LAMA4: variants seen among roughly 807,000 people sequenced by gnomAD.
LAMA4 encodes the protein laminin subunit alpha 4, also known as laminin subunit alpha-4.
LAMA4 carries 127 observed loss-of-function variants against 207.1 expected under a neutral mutation model. That is an observed-to-expected ratio of 0.61 (90% CI 0.53 to 0.71). LAMA4 has a LOEUF of 0.71. Ranked by LOEUF, LAMA4 falls within the 30% of genes least tolerant of loss-of-function variation. The pLI is 0.00. For synonymous variants in LAMA4, 761 were observed against 816.0 expected, an observed-to-expected ratio of 0.93 and a Z score of 1.15; for missense variants, 2,093 against 2,246.5, an observed-to-expected ratio of 0.93 and a Z score of 1.38.
chr6:112,130,202 G>A (rs544211928), intron 29 of LAMA4, 162 bp from the exon 30 acceptor site: 1 of 636,230 alleles, frequency 1.6e-6, no homozygotes. Flanking sequence ...GGATAAAATG[G>A]TTGGATATTT....
intron 2 of LAMA4, among the ~76,000 whole-genome samples, chr6:112,247,586 T>C (rs782262454): frequency 1.3e-5 from 2 of 152,294 alleles, no homozygotes; most frequent in African/African-American, 2.4e-5. Flanking sequence ...GAAGAGGGAT[T>C]CTTCCATTTC....
intron 2 of LAMA4, among the ~76,000 whole-genome samples, chr6:112,245,615 T>G (rs191885452): frequency 7.2e-5 from 11 of 152,314 alleles, no homozygotes; most frequent in African/African-American, 2.2e-4. Context: ...GTCTTCATCA[T>G]GCTCAGGGGC....
Position 112,109,157 on chromosome 6 carries a change from GA to G in LAMA4, c.*279del. On this transcript the variant is annotated 3_prime_UTR_variant, in exon 39 of 39. Coordinates refer to ENST00000230538, the MANE Select transcript of LAMA4 (RefSeq NM_001105206.3). ...ATTTGGAATCCCTTCTATTTTATTAGAAACAGAAACAGTAATTTCACCAGTA... is the reference window on the plus strand; with the variant it reads ...ATTTGGAATCCCTTCTATTTTATTAGAACAGAAACAGTAATTTCACCAGTA... 1 of 439,234 alleles carries G rather than the reference GA, an allele frequency of 2.3e-6. No homozygotes were observed. The highest frequency in any genetic ancestry group is 4.6e-5 in the East Asian group (1 of 21,902). The allele number at this position is 439,234 out of a possible 1,614,324, so 27.2% of individuals were successfully genotyped here.
chr6:112,204,552 G>C (rs1783945006), intron 4 of LAMA4, among the ~76,000 whole-genome samples: 1 of 151,788 alleles, frequency 6.6e-6, no homozygotes, highest in South Asian at 2.1e-4. Context: ...ACATGTTTAT[G>C]AGAGAATGAG....
At chr6:112,124,761 T>A (rs1554327068) in intron 31 of LAMA4, among the ~76,000 whole-genome samples, 2 of 130,340 alleles carry the variant, frequency 1.5e-5, no homozygotes, top group African/African-American at 8.1e-5. Flanking sequence ...AGGGGTATCT[T>A]TTTTTTTTTT....
chr6:112,239,743 G>T (rs1186694104), intron 2 of LAMA4, among the ~76,000 whole-genome samples: 1 of 152,122 alleles, frequency 6.6e-6, no homozygotes, highest in East Asian at 1.9e-4. Context: ...AGTGCTTAAA[G>T]GAGTTAGCAG....
intron 9 of LAMA4, chr6:112,178,447 G>A: frequency 1.8e-6 from 1 of 547,158 alleles, no homozygotes; most frequent in Non-Finnish European, 3.2e-6. Context: ...TTTTCCGTAA[G>A]TTATTGGGGT....
At chr6:112,222,132 G>A (rs1253282431) in intron 2 of LAMA4, among the ~76,000 whole-genome samples, 5 of 152,142 alleles carry the variant, frequency 3.3e-5, no homozygotes, top group African/African-American at 1.2e-4. Flanking sequence ...CAAGAAGTTG[G>A]CTTCTTGATT....
At position 112,148,165 on chromosome 6, in the gene LAMA4, C is replaced by A. The variant is rs1562661876; in HGVS notation, c.2345G>T (p.Arg782Met). 1 of 1,613,682 alleles carries A rather than the reference C, an allele frequency of 6.2e-7. No homozygotes were observed. Among genetic ancestry groups the A allele is most frequent in the South Asian group, 1.1e-5 (1 of 91,070 alleles). ...SAYNTAVNSA[R>M]DAVRNLTEVV... is the part of the protein sequence containing the mutation. ...AAATTTCTAAGTGATACCTGCATCC[C>A]TAGCAGAGTTCACTGCAGTGTTGTA... The change falls in exon 18 of 39, where the codon AGG becomes ATG. Residue 782 changes from arginine (R) to methionine (M), a missense_variant. Around this residue, in one of 3 missense-constraint regions of LAMA4, gnomAD observed 1,704 missense variants for 1,788.4 expected, o/e 0.95. Transcript: ENST00000230538.
chr6:112,149,734 C>T (rs1780262614), intron 17 of LAMA4, among the ~76,000 whole-genome samples: 1 of 152,106 alleles, frequency 6.6e-6, no homozygotes, highest in African/African-American at 2.4e-5. Context: ...AGGACAATGC[C>T]CAGCTCACAC....
intron 9 of LAMA4, among the ~76,000 whole-genome samples, chr6:112,184,009 A>G (rs1181566431): frequency 6.6e-6 from 1 of 151,706 alleles, no homozygotes; most frequent in Non-Finnish European, 1.5e-5. Flanking sequence ...TTTCAACCAT[A>G]TCTGATACCA....
At chr6:112,130,928 A>G (rs1316349619) in intron 29 of LAMA4, 40 bp downstream of exon 29, 9 of 1,604,522 alleles carry the variant, frequency 5.6e-6, no homozygotes, top group Non-Finnish European at 7.7e-6. Flanking sequence ...ATGTCCCACA[A>G]ATAGACATGG....
At chr6:112,248,201 C>T (rs940497241) in intron 2 of LAMA4, among the ~76,000 whole-genome samples, 2 of 152,074 alleles carry the variant, frequency 1.3e-5, no homozygotes, top group East Asian at 3.9e-4. Flanking sequence ...GAACTGTGCC[C>T]TTAAAAATAG....
Position 112,139,788 on chromosome 6 carries a change from T to C in LAMA4, c.3074A>G (p.Tyr1025Cys), listed in dbSNP as rs370557242. The change falls in exon 23 of 39, where the codon TAT (tyrosine) becomes TGT (cysteine). Residue 1025 changes from tyrosine to cysteine, a missense_variant. Physicochemically the swap from Tyr to Cys is radical, Grantham distance 194. Transcript: ENST00000230538. ...CACTGATGTGGAGGGGTCCATATTA[T>C]AGATGTGCTTAAAGTTGTACAAGCT... ...VISLYNFKHI[Y>C]NMDPSTSVPC... 6 of 1,613,992 alleles carry C rather than the reference T, an allele frequency of 3.7e-6. No homozygotes were observed. Among genetic ancestry groups the C allele is most frequent in the Non-Finnish European group, 5.1e-6 (6 of 1,179,958 alleles).
At chr6:112,175,834 A>G (rs570949668) in intron 10 of LAMA4, among the ~76,000 whole-genome samples, 17 of 152,362 alleles carry the variant, frequency 1.1e-4, no homozygotes, top group Middle Eastern at 6.8e-3. Flanking sequence ...CTTGATATTC[A>G]AGGCATCCAA....
At chr6:112,197,374 T>C (rs1474887070) in intron 5 of LAMA4, among the ~76,000 whole-genome samples, 4 of 152,222 alleles carry the variant, frequency 2.6e-5, no homozygotes, top group African/African-American at 9.7e-5. Flanking sequence ...TACACAGTAG[T>C]GTAAGAGGTA....
In LAMA4 at chr6:112,215,102, C is replaced by T. The variant is rs560545235; in HGVS notation, c.297+1266G>A. On this transcript the variant is annotated intron_variant, in intron 3 of 38. Transcript: ENST00000230538. ...CAAGTGTATCCATGGGATTTTTCCC[C>T]CCAAATGTCACTGGGATTAAAATAA... Among the ~76,000 whole-genome samples the T allele has an allele frequency of 2.0e-5, 3 of 152,226 alleles. No individual in the cohort carries two copies. In the East Asian group the frequency reaches 5.8e-4, roughly 29 times the overall value.
At position 112,142,267 on chromosome 6, in the gene LAMA4, C is replaced by T; in HGVS notation, c.2519G>A (p.Gly840Asp). ...CGAGTGCACTTCCACAGCTGACTGG[C>T]CATCAAACATCATGGAGACTTGGAT... is the stretch of plus-strand genomic sequence containing the variant. ...SKIQVSMMFD[G>D]QSAVEVHSRT... Residue 840 changes from glycine to aspartate, a missense_variant, in exon 20 of 39, where the codon GGC (glycine) becomes GAC (aspartate). Gly to Asp is a moderately conservative substitution (Grantham distance 94, BLOSUM62 -1). Transcript: ENST00000230538. The T allele has an allele frequency of 6.2e-7, 1 of 1,614,016 alleles. No homozygotes were observed. Among genetic ancestry groups the T allele is most frequent in the East Asian group, 2.2e-5 (1 of 44,878 alleles).
intron 17 of LAMA4, 106 bp from the exon 18 acceptor site, chr6:112,148,442 G>T: frequency 3.2e-6 from 4 of 1,238,326 alleles, no homozygotes; most frequent in Non-Finnish European, 4.6e-6. Context: ...CACATTTTGG[G>T]CTCTTAAGCA....
Sources: gnomAD v4.1 joint callset for allele counts (sites outside exome capture counted in the v4.1 genomes callset) on GRCh38, gnomAD v4.1.1 for gene constraint, gnomAD v4.1.1 regional missense constraint, MANE v1.5 for transcripts, NCBI Gene and HGNC (gene_info 2026-07-23, HGNC 2026-07-21) for gene names.